The following RBFOX3 variants were observed in gnomAD, a reference collection of about 807,000 sequenced individuals.
RBFOX3 encodes the protein RNA binding protein fox-1 homolog 3.
RBFOX3 carries 17 observed loss-of-function variants against 48.7 expected under a neutral mutation model. The ratio of observed to expected loss-of-function variants is 0.35; its 90% CI spans 0.24 to 0.52. The LOEUF is 0.52. Ranked by LOEUF, RBFOX3 falls within the 20% of genes least tolerant of loss-of-function variation. RBFOX3 has a pLI of 0.94. For synonymous variants in RBFOX3, 212 were observed against 209.5 expected (o/e 1.01, Z -0.10); for missense variants, 382 against 497.5 (o/e 0.77, Z 2.21).
At chr17:79,442,429 C>CACCA (rs1349002707) in intron 2 of RBFOX3, among the ~76,000 whole-genome samples, 7 of 144,440 alleles carry the variant, frequency 4.8e-5, no homozygotes, top group South Asian at 2.2e-4. Flanking sequence ...GAGAGAGAGA[C>CACCA]ACCAAGCAGG....
chr17:79,378,992 C>T (rs897928544), intron 2 of RBFOX3, among the ~76,000 whole-genome samples: 3 of 152,144 alleles, frequency 2.0e-5, no homozygotes, highest in African/African-American at 4.8e-5. Context: ...AGCCTGGGTT[C>T]CGTGTCCCAG....
In RBFOX3 at chr17:79,103,369, G is replaced by T; in HGVS notation, c.415-115C>A. On this transcript the variant is annotated intron_variant, in intron 7 of 14. Transcript: ENST00000693108. This position sits in a 1 kb window ranked among gnomAD's most constrained non-coding sequence, Gnocchi z 6.1. Reference sequence around the variant, plus strand: ...GGGGGCAGGGGAGTGGGGAGAGAGAGAGAAGGGGTTGAGTCAGGTGAGTTG... The same window carrying T: ...GGGGGCAGGGGAGTGGGGAGAGAGATAGAAGGGGTTGAGTCAGGTGAGTTG... 1.4e-6 allele frequency: 1 copy of T among 735,748 alleles called. No homozygotes were observed. The highest frequency in any genetic ancestry group is 1.6e-5 in the South Asian group (1 of 61,236). The allele number at this position is 735,748 out of a possible 1,614,324, so 45.6% of individuals were successfully genotyped here.
intron 2 of RBFOX3, among the ~76,000 whole-genome samples, chr17:79,438,153 A>G (rs2069985757): frequency 6.6e-6 from 1 of 152,134 alleles, no homozygotes; most frequent in South Asian, 2.1e-4. Context: ...ATGCAGCTGC[A>G]GTGACCTTCA....
intron 1 of RBFOX3, among the ~76,000 whole-genome samples, chr17:79,563,875 A>G (rs2092351634): frequency 6.6e-6 from 1 of 152,206 alleles, no homozygotes; most frequent in Non-Finnish European, 1.5e-5. Flanking sequence ...GAGTTGAGGA[A>G]GTTCTCCCAT....
rs555412551 is a variant in RBFOX3 at position 79,130,843 on chromosome 17, CG to C, written c.-33-15096del. ...AAGCTCTGGCCTCCCTGCCTGGAGGCGGGACCTGGCCCAAGCCTCAAAGCCG... is the reference window on the plus strand; with the variant it reads ...AAGCTCTGGCCTCCCTGCCTGGAGGCGGACCTGGCCCAAGCCTCAAAGCCG... On this transcript the variant is annotated intron_variant, in intron 4 of 14. Transcript: ENST00000693108. 1.7e-4 allele frequency among the ~76,000 whole-genome samples: 26 copies of C among 152,386 alleles called. 1 individual carries two copies. In the South Asian group the frequency reaches 5.2e-3, roughly 30 times the overall value.
chr17:79,634,734 A>G, the RBFOX3 span, among the ~76,000 whole-genome samples: 3 of 152,022 alleles, frequency 2.0e-5, no homozygotes, highest in Admixed American at 2.0e-4. Flanking sequence ...GCCATTTCCC[A>G]TCCTCATGTC....
intron 4 of RBFOX3, among the ~76,000 whole-genome samples, chr17:79,229,323 G>A (rs149337080): frequency 0.022 from 3,288 of 149,428 alleles, 60 homozygotes; most frequent in Admixed American, 0.034. Context: ...TTGGGAGGCC[G>A]AGGAGGGCAG....
chr17:79,611,660 A>C (rs1193414982), upstream of RBFOX3, among the ~76,000 whole-genome samples: 1 of 152,158 alleles, frequency 6.6e-6, no homozygotes, highest in Non-Finnish European at 1.5e-5. Context: ...GTGGTCACCA[A>C]GCATCAGGGA....
rs557791108 is a variant in RBFOX3 at position 79,347,672 on chromosome 17, A to T, written c.-174-39848T>A. ...CCTGTATCGCATTATTTCCACAGCTATACCTTAACACCAACAATTTCTACT... is the reference window on the plus strand; with the variant it reads ...CCTGTATCGCATTATTTCCACAGCTTTACCTTAACACCAACAATTTCTACT... On this transcript the variant is annotated intron_variant, in intron 2 of 14. Coordinates refer to ENST00000693108, the MANE Select transcript of RBFOX3 (RefSeq NM_001350451.2). 5.3e-5 allele frequency among the ~76,000 whole-genome samples: 8 copies of T among 152,258 alleles called. 1 individual carries two copies. The highest frequency in any genetic ancestry group is 1.7e-4 in the African/African-American group (7 of 41,534).
intron 2 of RBFOX3, among the ~76,000 whole-genome samples, chr17:79,373,888 C>T (rs943116817): frequency 1.3e-5 from 2 of 151,872 alleles, no homozygotes; most frequent in African/African-American, 4.8e-5. Context: ...GACTGAGTCT[C>T]ACTCTTGTCG....
chr17:79,161,049 C>A (rs1447130710), intron 4 of RBFOX3, among the ~76,000 whole-genome samples: 2 of 151,796 alleles, frequency 1.3e-5, no homozygotes, highest in Non-Finnish European at 2.9e-5. Context: ...AACACCCAGG[C>A]AAGGAAGATG....
At chr17:79,635,452 T>C in the RBFOX3 span, among the ~76,000 whole-genome samples, 1 of 152,188 alleles carries the variant, frequency 6.6e-6, no homozygotes, top group Admixed American at 6.5e-5. Context: ...TCCCAGACGA[T>C]TCTCTTGGAT....
At chr17:79,310,106 T>C (rs540039020) in intron 2 of RBFOX3, among the ~76,000 whole-genome samples, 31 of 152,232 alleles carry the variant, frequency 2.0e-4, no homozygotes, top group Non-Finnish European at 3.5e-4. Flanking sequence ...GAATGAGGGA[T>C]GAATGTGTGA....
the RBFOX3 span, among the ~76,000 whole-genome samples, chr17:79,628,682 T>C: frequency 6.6e-6 from 1 of 152,220 alleles, no homozygotes; most frequent in East Asian, 1.9e-4. Flanking sequence ...AGGAAAGACC[T>C]TACCCATGAG....
At chr17:79,147,770 C>T (rs2043346441) in intron 4 of RBFOX3, among the ~76,000 whole-genome samples, 1 of 152,258 alleles carries the variant, frequency 6.6e-6, no homozygotes, top group South Asian at 2.1e-4. Flanking sequence ...TGCCCAGTAC[C>T]TGGCCAGGGC....
intron 4 of RBFOX3, among the ~76,000 whole-genome samples, chr17:79,197,824 G>C (rs1001016192): frequency 6.6e-6 from 1 of 152,050 alleles, no homozygotes; most frequent in Non-Finnish European, 1.5e-5. Flanking sequence ...AGAGAGGGAC[G>C]GAGAAAACAC....
chr17:79,153,727 C>T (rs1419133878), intron 4 of RBFOX3, among the ~76,000 whole-genome samples: 1 of 152,230 alleles, frequency 6.6e-6, no homozygotes. Context: ...ATCCCACCAC[C>T]TGCACCTGGG....
chr17:79,493,129 G>A (rs1385975107), intron 1 of RBFOX3, among the ~76,000 whole-genome samples: 3 of 152,128 alleles, frequency 2.0e-5, no homozygotes, highest in Non-Finnish European at 4.4e-5. Flanking sequence ...GGAAGCTGAA[G>A]AGGGAGGAGG....
At chr17:79,441,786 A>G (rs945772399) in intron 2 of RBFOX3, among the ~76,000 whole-genome samples, 7 of 152,104 alleles carry the variant, frequency 4.6e-5, no homozygotes, top group Non-Finnish European at 8.8e-5. Flanking sequence ...TTGGGTGGGA[A>G]CACACACTCG....
Sources: allele counts gnomAD v4.1 joint callset (sites outside exome capture counted in the v4.1 genomes callset), GRCh38; gene constraint gnomAD v4.1.1; non-coding constraint Gnocchi (gnomAD v3.1); transcripts MANE v1.5; gene names NCBI Gene and HGNC (gene_info 2026-07-23, HGNC 2026-07-21).